WDR41: variants seen among roughly 807,000 people sequenced by gnomAD.
WDR41 encodes WD repeat domain 41, also known as WD repeat-containing protein 41.
WDR41 carries 63 observed loss-of-function variants against 69.3 expected under a neutral mutation model. The ratio of observed to expected loss-of-function variants is 0.91; its 90% CI spans 0.74 to 1.12. The LOEUF is 1.12. Among genes scored for constraint, WDR41 ranks in the 50% most tolerant of loss-of-function variants. The probability of loss-of-function intolerance (pLI) is 0.00; values close to 1 mark genes in which losing one functional copy is unlikely to be tolerated. For missense variants in WDR41, 543 were observed against 534.5 expected, an observed-to-expected ratio of 1.02 and a Z score of -0.16; for synonymous variants, 185 against 192.1, an observed-to-expected ratio of 0.96 and a Z score of 0.31.
chr5:77,605,371 G>T (rs1227442047), intron 1 of WDR41, among the ~76,000 whole-genome samples: 1 of 152,180 alleles, frequency 6.6e-6, no homozygotes, highest in Admixed American at 6.5e-5. Context: ...TCCCAAAGCA[G>T]GGGTTACATA....
chr5:77,538,000 G>A (rs1328431604), intron 1 of WDR41, among the ~76,000 whole-genome samples: 1 of 152,108 alleles, frequency 6.6e-6, no homozygotes, highest in African/African-American at 2.4e-5. Flanking sequence ...CATAGATTGT[G>A]TAGATGTCAA....
chr5:77,570,131 C>T (rs1743709540), intron 1 of WDR41, among the ~76,000 whole-genome samples: 1 of 152,108 alleles, frequency 6.6e-6, no homozygotes, highest in South Asian at 2.1e-4. Flanking sequence ...CAAATCCAGT[C>T]TCTCCAACAC....
At chr5:77,515,700 T>C (rs1298548739) in intron 1 of WDR41, among the ~76,000 whole-genome samples, 1 of 152,160 alleles carries the variant, frequency 6.6e-6, no homozygotes, top group Non-Finnish European at 1.5e-5. Context: ...CAATAGGAAT[T>C]TTCATCTCCA....
At chr5:77,598,055 A>G (rs1159061184) in intron 1 of WDR41, among the ~76,000 whole-genome samples, 1 of 152,238 alleles carries the variant, frequency 6.6e-6, no homozygotes, top group Non-Finnish European at 1.5e-5. Flanking sequence ...AGAAGAAACT[A>G]TCTCATAGAG....
At chr5:77,467,995 G>A (rs1389581605) in intron 2 of WDR41, among the ~76,000 whole-genome samples, 1 of 151,400 alleles carries the variant, frequency 6.6e-6, no homozygotes, top group East Asian at 1.9e-4. Flanking sequence ...GGACAACAGA[G>A]CAAGACTCCA....
intron 1 of WDR41, among the ~76,000 whole-genome samples, chr5:77,553,688 AT>A (rs1743338760): frequency 6.6e-6 from 1 of 152,212 alleles, no homozygotes; most frequent in South Asian, 2.1e-4. Context: ...ACATGAAAAG[AT>A]ATTCAATATC....
At chr5:77,593,225 C>G (rs535097792) in intron 1 of WDR41, among the ~76,000 whole-genome samples, 43 of 152,168 alleles carry the variant, frequency 2.8e-4, no homozygotes, top group Non-Finnish European at 4.7e-4. Context: ...TTGTATTTTA[C>G]TCTAAGGATG....
intron 1 of WDR41, among the ~76,000 whole-genome samples, chr5:77,517,281 A>G (rs1301541096): frequency 3.9e-4 from 59 of 152,144 alleles, no homozygotes; most frequent in Admixed American, 3.7e-3. Context: ...CAAATAACCT[A>G]CAGATATAAT....
chr5:77,620,182 TC>T (rs1744753918), intron 1 of WDR41, among the ~76,000 whole-genome samples: 1 of 152,300 alleles, frequency 6.6e-6, no homozygotes, highest in Admixed American at 6.5e-5. Context: ...TGGTATAATT[TC>T]CTGAAACTGC....
chr5:77,491,951 G>A (rs779605091), intron 1 of WDR41: 56 of 553,644 alleles, frequency 1.0e-4, no homozygotes, highest in Non-Finnish European at 1.5e-4. Flanking sequence ...CCGGGGGTCT[G>A]CAGCTCCAGG....
chr5:77,433,124 A>G lies in WDR41; in HGVS notation c.*11T>C. 2 of 1,605,640 alleles carry G rather than the reference A, an allele frequency of 1.2e-6. No individual in the cohort carries two copies. The highest frequency in any genetic ancestry group is 1.7e-6 in the Non-Finnish European group (2 of 1,176,540). On this transcript the variant is annotated 3_prime_UTR_variant, in exon 13 of 13. Coordinates refer to ENST00000296679, the MANE Select transcript of WDR41 (RefSeq NM_018268.4). Reference sequence around the variant, plus strand: ...TCAAGGTTCATGCATGTGTATTTTTAATTCCTTAAACTAGACAGCAAGGTA... The same window carrying G: ...TCAAGGTTCATGCATGTGTATTTTTGATTCCTTAAACTAGACAGCAAGGTA...
intron 1 of WDR41, among the ~76,000 whole-genome samples, chr5:77,614,540 G>A (rs1168440246): frequency 3.4e-5 from 5 of 148,748 alleles, no homozygotes; most frequent in Non-Finnish European, 7.4e-5. Flanking sequence ...GTAAACTATC[G>A]CAAGGACGAA....
intron 1 of WDR41, among the ~76,000 whole-genome samples, chr5:77,502,637 A>C (rs1802037946): frequency 6.6e-6 from 1 of 152,238 alleles, no homozygotes; most frequent in Admixed American, 6.5e-5. Context: ...CCAGTTACCC[A>C]CAAAGGGAAG....
intron 1 of WDR41, chr5:77,583,248 G>A (rs150297636): frequency 0.013 from 8,097 of 632,662 alleles, 77 homozygotes; most frequent in Non-Finnish European, 0.017. Flanking sequence ...CAGGCCAGGC[G>A]CCGTCCCTGT....
At position 77,431,718 on chromosome 5, in the gene WDR41, A is replaced by C. The variant is rs1798728757; in HGVS notation, c.*1417T>G. 1 of 152,246 alleles carries C rather than the reference A, an allele frequency of 6.6e-6. No homozygotes were observed. Among genetic ancestry groups the C allele is most frequent in the African/African-American group, 2.4e-5 (1 of 41,478 alleles). 9.4% of individuals were successfully genotyped at this position (152,246 alleles called of 1,614,324 possible). Reference sequence around the variant, plus strand: ...GCTCCCTTGTGTCATACAACTTCAGAAAACAACTTTACAAATGTATGGGCC... The same window carrying C: ...GCTCCCTTGTGTCATACAACTTCAGCAAACAACTTTACAAATGTATGGGCC... On this transcript the variant is annotated 3_prime_UTR_variant, in exon 13 of 13. Coordinates refer to ENST00000296679, the MANE Select transcript of WDR41 (RefSeq NM_018268.4).
chr5:77,453,456 A>T (rs1196129374), intron 6 of WDR41, among the ~76,000 whole-genome samples: 2 of 152,154 alleles, frequency 1.3e-5, no homozygotes, highest in African/African-American at 4.8e-5. Flanking sequence ...TTTGGTAAGG[A>T]CAATTGTAAA....
chr5:77,521,477 A>G (rs1464464763), intron 1 of WDR41, among the ~76,000 whole-genome samples: 1 of 152,240 alleles, frequency 6.6e-6, no homozygotes, highest in Non-Finnish European at 1.5e-5. Context: ...GTTTCCCTAG[A>G]TGATTATGGT....
chr5:77,593,664 T>C (rs1429333122), intron 1 of WDR41, among the ~76,000 whole-genome samples: 1 of 152,122 alleles, frequency 6.6e-6, no homozygotes, highest in Non-Finnish European at 1.5e-5. Flanking sequence ...AAAAATATTA[T>C]AGGCATAGAA....
chr5:77,598,147 C>T (rs996672037), intron 1 of WDR41, among the ~76,000 whole-genome samples: 1 of 152,198 alleles, frequency 6.6e-6, no homozygotes, highest in African/African-American at 2.4e-5. Flanking sequence ...ATAACAAGCA[C>T]AGGTTAAATG....
Sources: gnomAD v4.1 joint callset for allele counts (sites outside exome capture counted in the v4.1 genomes callset) on GRCh38, gnomAD v4.1.1 for gene constraint, MANE v1.5 for transcripts, NCBI Gene and HGNC (gene_info 2026-07-23, HGNC 2026-07-21) for gene names.